The following FAHD2B variants were observed in gnomAD, a reference collection of about 807,000 sequenced individuals.
The protein encoded by FAHD2B is oxaloacetate tautomerase FAHD2B, mitochondrial.
FAHD2B carries 26 observed loss-of-function variants against 33.7 expected under a neutral mutation model. The observed-to-expected ratio is 0.77, with a 90% CI of 0.57 to 1.07. The LOEUF is 1.07. Ranked by LOEUF, FAHD2B falls within the 50% of genes least tolerant of loss-of-function variation. The probability of loss-of-function intolerance (pLI) is 0.00; values close to 1 mark genes in which losing one functional copy is unlikely to be tolerated. For synonymous variants in FAHD2B, 108 were observed against 150.9 expected, an observed-to-expected ratio of 0.72 and a Z score of 2.08; for missense variants, 272 against 388.1, an observed-to-expected ratio of 0.70 and a Z score of 2.51.
chr2:97,080,802 C>G (rs2031615938), downstream of FAHD2B, among the ~76,000 whole-genome samples: 1 of 152,056 alleles, frequency 6.6e-6, no homozygotes, highest in South Asian at 2.1e-4. Context: ...TCCTTCACTT[C>G]CCTTGTTACC....
chr2:97,092,612 A>G (rs1024059411), intron 1 of FAHD2B, among the ~76,000 whole-genome samples: 2 of 152,126 alleles, frequency 1.3e-5, no homozygotes, highest in African/African-American at 4.8e-5. Flanking sequence ...ACTACTTGGG[A>G]AAGCTTAATG....
downstream of FAHD2B, chr2:97,082,363 G>C: frequency 1.2e-6 from 2 of 1,612,138 alleles, no homozygotes; most frequent in African/African-American, 2.7e-5. Flanking sequence ...CTGTGTCTGT[G>C]CTGGGTGCCA....
At position 97,083,639 on chromosome 2, in the gene FAHD2B, G is replaced by A. The variant is rs1315696289; in HGVS notation, c.*116C>T. The A allele has an allele frequency of 6.5e-5, 99 of 1,532,494 alleles. No homozygotes were observed. The highest frequency in any genetic ancestry group is 8.0e-5 in the Non-Finnish European group (89 of 1,119,172). 94.9% of individuals were successfully genotyped at this position (1,532,494 alleles called of 1,614,324 possible). On this transcript the variant is annotated 3_prime_UTR_variant, in exon 9 of 9. Coordinates refer to ENST00000414820, the MANE Select transcript of FAHD2B (RefSeq NM_001320848.2). ...GAGCTCTGTCCTTCTCCCTTCTACC[G>A]AGAAGAGGCGGCTTGCAGGGCTGGC... is the stretch of plus-strand genomic sequence containing the variant.
At chr2:97,084,820 G>A (rs1168992216) in intron 6 of FAHD2B, among the ~76,000 whole-genome samples, 1 of 151,742 alleles carries the variant, frequency 6.6e-6, no homozygotes, top group African/African-American at 2.4e-5. Context: ...GGCTGAGGTG[G>A]GAGAACCGCT....
chr2:97,084,381 A>G (rs2031821575), intron 6 of FAHD2B, 104 bp from the exon 7 acceptor site: 1 of 1,314,446 alleles, frequency 7.6e-7, no homozygotes, highest in African/African-American at 1.5e-5. Flanking sequence ...TGGCAGGTGA[A>G]AGGGCTTTAA....
In FAHD2B at chr2:97,091,848, A is replaced by T. The variant is rs1450309225; in HGVS notation, c.-7+15T>A. ...CTGCATACCACACGGGAAGCGGTCC[A>T]GGCTTGTATTTTACCTGCTATACTT... On this transcript the variant is annotated intron_variant, in intron 2 of 8. Transcript: ENST00000414820. 4.5e-6 allele frequency: 6 copies of T among 1,341,630 alleles called. No individual in the cohort carries two copies. The highest frequency in any genetic ancestry group is 2.9e-5 in the African/African-American group (2 of 68,272). The allele number at this position is 1,341,630 out of a possible 1,614,324, so 83.1% of individuals were successfully genotyped here.
chr2:97,088,107 A>G (rs1454126889), intron 4 of FAHD2B, among the ~76,000 whole-genome samples: 1 of 152,138 alleles, frequency 6.6e-6, no homozygotes, highest in African/African-American at 2.4e-5. Context: ...AGGAGTTGGC[A>G]AACTATGGCC....
At position 97,094,873 on chromosome 2, in the gene FAHD2B, C is replaced by A. The variant is rs1314684267; in HGVS notation, c.-305G>T. The A allele has an allele frequency of 1.5e-5, 2 of 134,434 alleles. No homozygotes were observed. Among genetic ancestry groups the A allele is most frequent in the African/African-American group, 5.8e-5 (2 of 34,778 alleles). The allele number at this position is 134,434 out of a possible 1,614,324, so 8.3% of individuals were successfully genotyped here. ...GGTGCGCACTCCAGCGAGAAGCGGGCGCGTCCTGTGACGTCACAGGCAACC... is the reference window on the plus strand; with the variant it reads ...GGTGCGCACTCCAGCGAGAAGCGGGAGCGTCCTGTGACGTCACAGGCAACC... On this transcript the variant is annotated 5_prime_UTR_variant, in exon 1 of 9. Transcript: ENST00000414820.
intron 4 of FAHD2B, 93 bp downstream of exon 4, chr2:97,090,016 G>C: frequency 6.5e-7 from 1 of 1,528,480 alleles, no homozygotes; most frequent in Non-Finnish European, 8.9e-7. Flanking sequence ...ATGCACTACT[G>C]AGCGAGAGGT....
Position 97,085,774 on chromosome 2 carries a change from G to A in FAHD2B, c.610C>T (p.Gln204Ter). ...TCGAAGGTTTTTCCCAGCAGCCACTGTTTCCCATTGCGTCTTGTTAGCCAG... is the reference window on the plus strand; with the variant it reads ...TCGAAGGTTTTTCCCAGCAGCCACTATTTCCCATTGCGTCTTGTTAGCCAG... ...RDWLTRRNGK[Q>*]WLLGKTFDTF... is the part of the protein sequence containing the mutation. Residue 204 changes from glutamine to a stop codon, truncating the protein, a stop_gained, in exon 6 of 9, where the codon CAG becomes TAG. Coordinates refer to ENST00000414820, the MANE Select transcript of FAHD2B (RefSeq NM_001320848.2). LOFTEE classifies it high-confidence loss of function. 1 of 1,613,846 alleles carries A rather than the reference G, an allele frequency of 6.2e-7. No homozygotes were observed. Among genetic ancestry groups the A allele is most frequent in the Non-Finnish European group, 8.5e-7 (1 of 1,179,854 alleles).
Position 97,090,161 on chromosome 2 carries a change from G to A in FAHD2B, c.410C>T (p.Ala137Val). Residue 137 changes from alanine to valine, a missense_variant, in exon 4 of 9, where the codon GCC becomes GTC. By Grantham distance (64) the Ala-to-Val change is moderately conservative. Transcript: ENST00000414820. ...ATCATAGGGCCCCACGATGGAGCTG[G>A]CAAACTTGCTGAAGATGATGGGCTC... ...PKEPIIFSKF[A>V]SSIVGPYDEV... The A allele has an allele frequency of 6.2e-7, 1 of 1,610,098 alleles. No individual in the cohort carries two copies. The highest frequency in any genetic ancestry group is 1.1e-5 in the South Asian group (1 of 90,662).
Position 97,086,308 on chromosome 2 carries a change from C to T in FAHD2B, c.463-110G>A, listed in dbSNP as rs920264677. The T allele has an allele frequency of 2.1e-5, 31 of 1,462,440 alleles. 1 individual carries two copies. Among genetic ancestry groups the T allele is most frequent in the South Asian group, 1.5e-4 (12 of 77,560 alleles). 90.6% of individuals were successfully genotyped at this position (1,462,440 alleles called of 1,614,324 possible). ...TCAGTATGGCTTGGCTGCCATCCCACGTTTGCCATCACCCTGAACCAGAGC... is the reference window on the plus strand; with the variant it reads ...TCAGTATGGCTTGGCTGCCATCCCATGTTTGCCATCACCCTGAACCAGAGC... On this transcript the variant is annotated intron_variant, in intron 4 of 8. Transcript: ENST00000414820.
downstream of FAHD2B, chr2:97,082,365 T>C (rs562161675): frequency 1.5e-5 from 24 of 1,612,728 alleles, no homozygotes; most frequent in African/African-American, 2.3e-4. Context: ...GTGTCTGTGC[T>C]GGGTGCCAGG....
chr2:97,086,592 A>C (rs1470901582), intron 4 of FAHD2B: 2 of 171,498 alleles, frequency 1.2e-5, no homozygotes, highest in Non-Finnish European at 2.5e-5. Context: ...TCACTTTAGT[A>C]AGAGAAAGAT....
At chr2:97,086,931 G>A (rs1316594883) in intron 4 of FAHD2B, 1 of 152,106 alleles carries the variant, frequency 6.6e-6, no homozygotes, top group African/African-American at 2.4e-5. Context: ...AAACTTGAAG[G>A]TCCCTCATTG....
chr2:97,081,418 T>C, downstream of FAHD2B: 1 of 1,551,918 alleles, frequency 6.4e-7, no homozygotes, highest in Non-Finnish European at 8.7e-7. Context: ...TGAGGCCACA[T>C]GGGTGCCTTT....
downstream of FAHD2B, among the ~76,000 whole-genome samples, chr2:97,079,919 C>A (rs955359646): frequency 3.3e-5 from 5 of 152,062 alleles, no homozygotes; most frequent in Admixed American, 6.6e-5. Context: ...CCTGCCTTGG[C>A]CTCCCACAGT....
intron 1 of FAHD2B, among the ~76,000 whole-genome samples, chr2:97,092,741 T>C (rs1311359406): frequency 7.9e-5 from 12 of 151,538 alleles, no homozygotes; most frequent in Non-Finnish European, 1.8e-4. Context: ...GAGGTCGAGG[T>C]GGGTGGATCA....
At chr2:97,087,163 C>T (rs1246364373) in intron 4 of FAHD2B, among the ~76,000 whole-genome samples, 22 of 151,962 alleles carry the variant, frequency 1.4e-4, no homozygotes, top group Admixed American at 9.2e-4. Context: ...ACCATTCTCT[C>T]GCCTCAGCCT....
Sources: allele counts gnomAD v4.1 joint callset (sites outside exome capture counted in the v4.1 genomes callset), GRCh38; gene constraint gnomAD v4.1.1; transcripts MANE v1.5; gene names NCBI Gene and HGNC (gene_info 2026-07-23, HGNC 2026-07-21).